ASCC3: variants seen among roughly 807,000 people sequenced by gnomAD.
ASCC3 encodes activating signal cointegrator 1 complex subunit 3, also known as ASC-1 complex subunit P200.
In ASCC3, 158 loss-of-function variants were observed where a neutral mutation model predicts 256.3. The observed-to-expected ratio is 0.62, with a 90% CI of 0.54 to 0.70. The LOEUF (loss-of-function observed/expected upper bound fraction) is 0.70. ASCC3 is among the 30% of genes least tolerant of loss of function. The pLI is 0.00. For synonymous variants in ASCC3, 948 were observed against 883.4 expected (o/e 1.07, Z -1.30); for missense variants, 2,259 against 2,626.0 (o/e 0.86, Z 3.05).
intron 34 of ASCC3, among the ~76,000 whole-genome samples, chr6:100,597,534 T>A (rs2114787547): frequency 6.6e-6 from 1 of 152,186 alleles, no homozygotes; most frequent in Admixed American, 6.5e-5. Context: ...TATTGCTGTA[T>A]CTATTCTAGA....
rs749062196 is a variant in ASCC3, at chr6:100,627,721, T to C, written c.4522-11A>G. ...GTTAAACAAGCCCATCTAGAGTAAA[T>C]ATGAGAGAGAAACCATTTTCAATTT... On this transcript the variant is annotated splice_polypyrimidine_tract_variant and intron_variant, in intron 28 of 41. Coordinates refer to ENST00000369162, the MANE Select transcript of ASCC3 (RefSeq NM_006828.4). 1 of 1,613,216 alleles carries C rather than the reference T, an allele frequency of 6.2e-7. No homozygotes were observed. Among genetic ancestry groups the C allele is most frequent in the Non-Finnish European group, 8.5e-7 (1 of 1,179,556 alleles).
chr6:100,518,515 T>C (rs1393535985), intron 37 of ASCC3, among the ~76,000 whole-genome samples: 1 of 152,120 alleles, frequency 6.6e-6, no homozygotes, highest in Admixed American at 6.6e-5. Flanking sequence ...AAAGAGTGAA[T>C]CTCATGTAGT....
chr6:100,581,598 T>C (rs1771270285), intron 36 of ASCC3, among the ~76,000 whole-genome samples: 1 of 151,726 alleles, frequency 6.6e-6, no homozygotes, highest in Admixed American at 6.6e-5. Flanking sequence ...TTAGATCCCA[T>C]TTGTCAATTT....
In ASCC3 at chr6:100,679,734, C is replaced by T. The variant is rs774545071; in HGVS notation, c.2170G>A (p.Ala724Thr). 6.2e-6 allele frequency: 10 copies of T among 1,613,424 alleles called. No individual in the cohort carries two copies. In the South Asian group the frequency reaches 8.8e-5, roughly 14 times the overall value. ...GCTGTTCTTACAGTGGCATTTCGAG[C>T]ATGTACAAACACCATCACCTGAAAA... ...AGHQVMVFVHARNATVRTAMS... is the reference protein window; with the variant it reads ...AGHQVMVFVHTRNATVRTAMS... Residue 724 changes from alanine (A) to threonine (T), a missense_variant, in exon 14 of 42, where the codon GCT becomes ACT. Ala to Thr is a moderately conservative substitution (Grantham distance 58, BLOSUM62 0). Coordinates refer to ENST00000369162, the MANE Select transcript of ASCC3 (RefSeq NM_006828.4).
chr6:100,791,777 A>T (rs1769359958), intron 8 of ASCC3, among the ~76,000 whole-genome samples: 1 of 151,982 alleles, frequency 6.6e-6, no homozygotes, highest in African/African-American at 2.4e-5. Context: ...GTGTTTCACT[A>T]AGCCAAACAT....
chr6:100,555,743 T>C (rs1769538846), intron 36 of ASCC3, among the ~76,000 whole-genome samples: 1 of 152,222 alleles, frequency 6.6e-6, no homozygotes, highest in African/African-American at 2.4e-5. Context: ...CTCAAGGCTG[T>C]CAGGTTTGAA....
chr6:100,769,375 T>C (rs1327580705), intron 8 of ASCC3, among the ~76,000 whole-genome samples: 1 of 152,004 alleles, frequency 6.6e-6, no homozygotes, highest in Non-Finnish European at 1.5e-5. Context: ...TGAATGTTAT[T>C]ATCACAAAGA....
chr6:100,654,120 CAA>C (rs1239715087), intron 17 of ASCC3, among the ~76,000 whole-genome samples: 2 of 151,942 alleles, frequency 1.3e-5, no homozygotes, highest in Non-Finnish European at 2.9e-5. Flanking sequence ...TCAGCAAATA[CAA>C]AAAGTCTTAA....
chr6:100,837,405 A>C (rs950394119), intron 4 of ASCC3, among the ~76,000 whole-genome samples: 2 of 152,142 alleles, frequency 1.3e-5, no homozygotes, highest in Admixed American at 1.3e-4. Flanking sequence ...ACAGGAAAAC[A>C]AATCAGTATG....
At chr6:100,631,066 C>T in intron 26 of ASCC3, 62 bp downstream of exon 26, 1 of 1,219,086 alleles carries the variant, frequency 8.2e-7, no homozygotes, top group Non-Finnish European at 1.2e-6. Flanking sequence ...TTATTCAACT[C>T]TTATTTCCTG....
intron 36 of ASCC3, among the ~76,000 whole-genome samples, chr6:100,554,898 CT>C (rs949327277): frequency 1.3e-5 from 2 of 151,740 alleles, no homozygotes; most frequent in African/African-American, 4.8e-5. Context: ...TGTGATATAA[CT>C]TTTTTCTATA....
At chr6:100,746,672 A>G (rs925714838) in intron 10 of ASCC3, among the ~76,000 whole-genome samples, 2 of 152,164 alleles carry the variant, frequency 1.3e-5, no homozygotes, top group African/African-American at 2.4e-5. Context: ...ATAGGTGGAA[A>G]AAGTTATCAA....
chr6:100,712,634 T>C (rs1292979182), intron 13 of ASCC3, among the ~76,000 whole-genome samples: 2 of 152,146 alleles, frequency 1.3e-5, no homozygotes, highest in African/African-American at 2.4e-5. Flanking sequence ...TGTGAGGATG[T>C]TGAACAACAG....
intron 8 of ASCC3, among the ~76,000 whole-genome samples, chr6:100,776,055 C>T (rs1043023440): frequency 5.3e-5 from 8 of 152,024 alleles, no homozygotes; most frequent in Non-Finnish European, 1.0e-4. Context: ...CTCTATTTTA[C>T]TCAACTTTAG....
intron 10 of ASCC3, among the ~76,000 whole-genome samples, chr6:100,740,399 G>A (rs1271621474): frequency 6.6e-6 from 1 of 152,178 alleles, no homozygotes; most frequent in Non-Finnish European, 1.5e-5. Flanking sequence ...TGAGAGAAAT[G>A]TATATTCTGT....
intron 36 of ASCC3, among the ~76,000 whole-genome samples, chr6:100,574,428 G>T (rs568964795): frequency 6.6e-6 from 1 of 152,086 alleles, no homozygotes; most frequent in Non-Finnish European, 1.5e-5. Flanking sequence ...TCTTTTCCCT[G>T]TTGGGAGCTG....
chr6:100,566,452 C>T (rs1770255856), intron 36 of ASCC3, among the ~76,000 whole-genome samples: 1 of 152,144 alleles, frequency 6.6e-6, no homozygotes, highest in South Asian at 2.1e-4. Context: ...TACCTACATT[C>T]ACAGGTCATT....
chr6:100,727,849 A>G (rs1260815236), intron 10 of ASCC3, among the ~76,000 whole-genome samples: 1 of 152,088 alleles, frequency 6.6e-6, no homozygotes, highest in Non-Finnish European at 1.5e-5. Context: ...CCAGACAGAA[A>G]AGTGGCAGTA....
intron 11 of ASCC3, 82 bp from the exon 12 acceptor site, chr6:100,718,333 C>G: frequency 8.5e-7 from 1 of 1,171,788 alleles, no homozygotes; most frequent in Non-Finnish European, 1.2e-6. Context: ...ATTAATAGGA[C>G]TTCTAAAAAC....
Sources: allele counts gnomAD v4.1 joint callset (sites outside exome capture counted in the v4.1 genomes callset), GRCh38; gene constraint gnomAD v4.1.1; transcripts MANE v1.5; gene names NCBI Gene and HGNC (gene_info 2026-07-23, HGNC 2026-07-21).